MACROD2: variants seen among roughly 807,000 people sequenced by gnomAD.
The protein encoded by MACROD2 is ADP-ribose glycohydrolase MACROD2.
MACROD2 carries 36 observed loss-of-function variants against 70.4 expected under a neutral mutation model. The observed-to-expected ratio is 0.51, with a 90% CI of 0.39 to 0.68. The LOEUF (loss-of-function observed/expected upper bound fraction) is 0.68, where lower values mean the gene tolerates loss of function less well. Ranked by LOEUF, MACROD2 falls within the 30% of genes least tolerant of loss-of-function variation. MACROD2 has a pLI of 0.00. For synonymous variants in MACROD2, 172 were observed against 178.8 expected, an observed-to-expected ratio of 0.96 and a Z score of 0.30; for missense variants, 496 against 538.4, an observed-to-expected ratio of 0.92 and a Z score of 0.78.
chr20:15,564,249 C>T (rs962868068), intron 8 of MACROD2, among the ~76,000 whole-genome samples: 8 of 152,140 alleles, frequency 5.3e-5, no homozygotes, highest in Admixed American at 3.9e-4. Context: ...TAGGAACCTT[C>T]GCTCATTTTT....
rs116189029 is a variant in MACROD2, at chr20:15,269,045, A to G, written c.540+38984A>G. Among the ~76,000 whole-genome samples, 375 of 152,390 alleles carry G rather than the reference A, an allele frequency of 2.5e-3. 1 individual carries two copies. The highest frequency in any genetic ancestry group is 8.7e-3 in the African/African-American group (362 of 41,600). On this transcript the variant is annotated intron_variant, in intron 6 of 17. Coordinates refer to ENST00000684519, the MANE Select transcript of MACROD2 (RefSeq NM_001351661.2). ...CTTCTGAATAGCTGGCACAATTTTC[A>G]GCAACATTCATTTCAAATCCTGTTG...
chr20:14,935,645 C>T (rs2074334406), intron 5 of MACROD2, among the ~76,000 whole-genome samples: 2 of 152,072 alleles, frequency 1.3e-5, no homozygotes, highest in African/African-American at 2.4e-5. Flanking sequence ...CTGGAATTGC[C>T]TAGGGAACTT....
chr20:15,450,039 G>A (rs1294635606), intron 7 of MACROD2, among the ~76,000 whole-genome samples: 1 of 151,924 alleles, frequency 6.6e-6, no homozygotes, highest in South Asian at 2.1e-4. Context: ...ACACACAACA[G>A]ATATTAAGCC....
chr20:15,267,265 G>A (rs182791735), intron 6 of MACROD2, among the ~76,000 whole-genome samples: 54 of 152,196 alleles, frequency 3.5e-4, no homozygotes, highest in Admixed American at 5.2e-4. Flanking sequence ...TCTCACCAGC[G>A]CTTACCTCCC....
At chr20:14,619,396 GGGGAGGAAGGAAGGAGGAAAGGA>G in intron 4 of MACROD2, among the ~76,000 whole-genome samples, 2 of 20,986 alleles carry the variant, frequency 9.5e-5, no homozygotes, top group Non-Finnish European at 1.9e-4. Flanking sequence ...AGGAAGGAGG[GGGGAGGAAGGAAGGAGGAAAGGA>G]GGGAAGGAAG....
intron 5 of MACROD2, among the ~76,000 whole-genome samples, chr20:14,780,486 T>TG (rs2123784941): frequency 6.8e-6 from 1 of 147,228 alleles, no homozygotes; most frequent in South Asian, 2.1e-4. Flanking sequence ...CGCTTGAACC[T>TG]GGGAGGCGGA....
intron 6 of MACROD2, among the ~76,000 whole-genome samples, chr20:15,255,629 G>C (rs549744146): frequency 1.3e-5 from 2 of 152,130 alleles, no homozygotes; most frequent in Non-Finnish European, 2.9e-5. Context: ...AAGATTTAAA[G>C]CAAGTGTTGA....
chr20:15,185,353 T>C (rs773015502), intron 5 of MACROD2, among the ~76,000 whole-genome samples: 2 of 152,226 alleles, frequency 1.3e-5, no homozygotes, highest in Non-Finnish European at 2.9e-5. Flanking sequence ...GAAATGTCTA[T>C]GGTGGCTCAT....
intron 3 of MACROD2, among the ~76,000 whole-genome samples, chr20:14,328,511 C>G (rs1488861106): frequency 1.3e-5 from 2 of 152,104 alleles, no homozygotes; most frequent in Admixed American, 1.3e-4. Context: ...ATAGTCTCTT[C>G]TGTCCTTTTA....
intron 8 of MACROD2, among the ~76,000 whole-genome samples, chr20:15,534,819 T>G (rs1238567253): frequency 1.3e-5 from 2 of 152,136 alleles, no homozygotes; most frequent in Non-Finnish European, 2.9e-5. Context: ...GCTAACTGCT[T>G]AGGCTTTAAG....
intron 10 of MACROD2, among the ~76,000 whole-genome samples, chr20:15,889,213 A>G (rs1326542232): frequency 6.6e-6 from 1 of 152,188 alleles, no homozygotes; most frequent in Non-Finnish European, 1.5e-5. Flanking sequence ...GCATGAGGTC[A>G]ATGAATAGGA....
At chr20:15,588,716 A>AG (rs1382144602) in intron 8 of MACROD2, among the ~76,000 whole-genome samples, 1 of 152,174 alleles carries the variant, frequency 6.6e-6, no homozygotes, top group African/African-American at 2.4e-5. Context: ...ACATAACAAG[A>AG]GTCACCTTTG....
At chr20:15,794,089 C>T (rs1468336527) in intron 8 of MACROD2, among the ~76,000 whole-genome samples, 1 of 151,786 alleles carries the variant, frequency 6.6e-6, no homozygotes, top group African/African-American at 2.4e-5. Flanking sequence ...AAGGAAGACT[C>T]CTGGCATTGG....
chr20:15,783,540 T>C (rs1384022780), intron 8 of MACROD2, among the ~76,000 whole-genome samples: 1 of 152,134 alleles, frequency 6.6e-6, no homozygotes, highest in Admixed American at 6.5e-5. Flanking sequence ...TCACCTATAT[T>C]GATTAAAAGT....
At chr20:14,744,587 A>G (rs2071775577) in intron 5 of MACROD2, among the ~76,000 whole-genome samples, 1 of 152,138 alleles carries the variant, frequency 6.6e-6, no homozygotes, top group Non-Finnish European at 1.5e-5. Context: ...TCACATCTGT[A>G]TTTTCACACA....
In MACROD2 at chr20:14,817,870, A is replaced by G. The variant is rs185971803; in HGVS notation, c.418+132911A>G. ...CTGACACTTACCAGCCTGCCATGCAAAAGGACAGAGTAGTCTTTGAAGTTT... is the reference window on the plus strand; with the variant it reads ...CTGACACTTACCAGCCTGCCATGCAGAAGGACAGAGTAGTCTTTGAAGTTT... On this transcript the variant is annotated intron_variant, in intron 5 of 17. Coordinates refer to ENST00000684519, the MANE Select transcript of MACROD2 (RefSeq NM_001351661.2). 3.2e-4 allele frequency among the ~76,000 whole-genome samples: 48 copies of G among 152,268 alleles called. 1 individual carries two copies. Among genetic ancestry groups the G allele is most frequent in the Non-Finnish European group, 6.5e-4 (44 of 68,000 alleles).
At chr20:14,341,618 G>T (rs1369590779) in intron 3 of MACROD2, among the ~76,000 whole-genome samples, 2 of 152,132 alleles carry the variant, frequency 1.3e-5, no homozygotes, top group African/African-American at 4.8e-5. Context: ...AGCTTGGGCA[G>T]TACAAGCGAA....
At chr20:15,760,601 C>A (rs981759938) in intron 8 of MACROD2, among the ~76,000 whole-genome samples, 5 of 152,108 alleles carry the variant, frequency 3.3e-5, no homozygotes, top group East Asian at 1.9e-4. Context: ...TCTCTGGGGG[C>A]AGAGTGCAGG....
chr20:15,206,987 C>T (rs1042363876), intron 5 of MACROD2, among the ~76,000 whole-genome samples: 4 of 151,810 alleles, frequency 2.6e-5, no homozygotes, highest in Non-Finnish European at 4.4e-5. Flanking sequence ...CCACCCGCCT[C>T]GGCCTCCCAA....
Sources: gnomAD v4.1 joint callset for allele counts (sites outside exome capture counted in the v4.1 genomes callset) on GRCh38, gnomAD v4.1.1 for gene constraint, MANE v1.5 for transcripts, NCBI Gene and HGNC (gene_info 2026-07-23, HGNC 2026-07-21) for gene names.